Variants in ZEB1 observed in about 807,000 individuals in gnomAD.
ZEB1 encodes zinc finger E-box-binding homeobox 1.
A neutral mutation model predicts 84.9 loss-of-function variants in ZEB1; 21 were observed. That is an observed-to-expected ratio of 0.25 (90% confidence interval 0.18 to 0.36). The LOEUF is 0.36. Among genes scored for constraint, ZEB1 ranks in the 10% least tolerant of loss-of-function variants. The probability of loss-of-function intolerance (pLI) is 1.00; values close to 1 mark genes in which losing one functional copy is unlikely to be tolerated. For missense variants in ZEB1, 1,104 were observed against 1,330.2 expected (o/e 0.83, Z 2.65); for synonymous variants, 420 against 471.1 (o/e 0.89, Z 1.41).
At position 31,340,363 on chromosome 10, in the gene ZEB1, G is replaced by A. The variant is rs190937819; in HGVS notation, c.58+21071G>A. 8.7e-4 allele frequency among the ~76,000 whole-genome samples: 133 copies of A among 152,048 alleles called. 2 individuals are homozygous for A. Among genetic ancestry groups the A allele is most frequent in the Admixed American group, 8.4e-3 (128 of 15,270 alleles). Reference sequence around the variant, plus strand: ...AGGACAGACTTGAAATCATTTAGAGGGTAAACTCTAGCAATATAGAAATCT... The same window carrying A: ...AGGACAGACTTGAAATCATTTAGAGAGTAAACTCTAGCAATATAGAAATCT... On this transcript the variant is annotated intron_variant, in intron 1 of 8. Coordinates refer to ENST00000424869, the MANE Select transcript of ZEB1 (RefSeq NM_001174096.2).
chr10:31,478,690 G>A lies in ZEB1; in HGVS notation c.260-17086G>A, dbSNP rs370964166. 3.9e-5 allele frequency among the ~76,000 whole-genome samples: 6 copies of A among 151,966 alleles called. No homozygotes were observed. In the East Asian group the frequency reaches 9.7e-4, roughly 25 times the overall value. ...CAGTCATAAAAACAAATGAAATTAT[G>A]TCCTTTTTAGAAGTTTCTACATGGA... On this transcript the variant is annotated intron_variant, in intron 2 of 8. Transcript: ENST00000424869.
At chr10:31,499,741 G>A (rs986784409) in intron 3 of ZEB1, among the ~76,000 whole-genome samples, 48 of 151,716 alleles carry the variant, frequency 3.2e-4, no homozygotes, top group African/African-American at 1.1e-3. Flanking sequence ...CTCCAACCTG[G>A]GCGACAAGAG....
intron 1 of ZEB1, among the ~76,000 whole-genome samples, chr10:31,382,106 C>T (rs961036048): frequency 2.0e-5 from 3 of 150,844 alleles, no homozygotes; most frequent in Non-Finnish European, 4.4e-5. Flanking sequence ...GATCCCGTGA[C>T]TTACACAAAT....
chr10:31,323,574 G>C (rs976987118), intron 1 of ZEB1, among the ~76,000 whole-genome samples: 3 of 151,902 alleles, frequency 2.0e-5, no homozygotes, highest in Non-Finnish European at 4.4e-5. Flanking sequence ...TTTTAAATTT[G>C]TCAGTTGTAA....
chr10:31,519,510 A>G lies in ZEB1; in HGVS notation c.794-616A>G, dbSNP rs188311444. ...CACTGTCACTAAAATTGAAACTCCA[A>G]GGTGCTTTGATACCCACTACAGTGT... On this transcript the variant is annotated intron_variant, in intron 6 of 8. Transcript: ENST00000424869. Among the ~76,000 whole-genome samples the G allele has an allele frequency of 4.6e-5, 7 of 152,308 alleles. No homozygotes were observed. The East Asian group carries it at 9.6e-4, about 21-fold the overall frequency.
intron 1 of ZEB1, among the ~76,000 whole-genome samples, chr10:31,345,749 C>G (rs896016204): frequency 2.0e-5 from 3 of 152,004 alleles, no homozygotes; most frequent in African/African-American, 4.8e-5. Flanking sequence ...ATCAGCTTCC[C>G]TAGATCCCAA....
At chr10:31,434,404 GTT>G (rs2058061055) in intron 1 of ZEB1, among the ~76,000 whole-genome samples, 4 of 152,282 alleles carry the variant, frequency 2.6e-5, no homozygotes, top group Admixed American at 2.6e-4. Flanking sequence ...TTGGATTTCA[GTT>G]TTCTCAAGTA....
intron 7 of ZEB1, 107 bp downstream of exon 7, chr10:31,522,043 A>G: frequency 1.3e-6 from 2 of 1,489,976 alleles, no homozygotes; most frequent in Non-Finnish European, 9.2e-7. Flanking sequence ...CTAGATTATT[A>G]CAAACTGTCA....
At chr10:31,397,747 A>G (rs145908053) in intron 1 of ZEB1, among the ~76,000 whole-genome samples, 2 of 152,334 alleles carry the variant, frequency 1.3e-5, no homozygotes, top group African/African-American at 4.8e-5. Flanking sequence ...TTAGGATTTT[A>G]AAAAGGAGAA....
chr10:31,486,037 G>A (rs1480892825), intron 2 of ZEB1, among the ~76,000 whole-genome samples: 1 of 151,782 alleles, frequency 6.6e-6, no homozygotes, highest in Admixed American at 6.6e-5. Context: ...TCACTCAGAT[G>A]TATTCAAGTT....
intron 1 of ZEB1, among the ~76,000 whole-genome samples, chr10:31,426,329 C>G (rs529570151): frequency 6.6e-6 from 1 of 152,046 alleles, no homozygotes; most frequent in Admixed American, 6.6e-5. Flanking sequence ...ACCCCCATGA[C>G]TCAGGTTGAC....
chr10:31,398,661 G>A (rs1483882271), intron 1 of ZEB1, among the ~76,000 whole-genome samples: 1 of 152,094 alleles, frequency 6.6e-6, no homozygotes, highest in African/African-American at 2.4e-5. Context: ...CATTTCACCA[G>A]AATTGTACTT....
At chr10:31,433,830 T>A (rs1284414001) in intron 1 of ZEB1, among the ~76,000 whole-genome samples, 1 of 152,166 alleles carries the variant, frequency 6.6e-6, no homozygotes, top group Non-Finnish European at 1.5e-5. Context: ...TGCCAACAGT[T>A]TGACCTACCA....
chr10:31,470,145 A>C (rs181659432), intron 2 of ZEB1, among the ~76,000 whole-genome samples: 2,207 of 152,314 alleles, frequency 0.014, 26 homozygotes, highest in Non-Finnish European at 0.017. Context: ...AAACTCTAAA[A>C]AGCAGAGCGC....
At chr10:31,407,767 A>T (rs576071885) in intron 1 of ZEB1, among the ~76,000 whole-genome samples, 1 of 151,792 alleles carries the variant, frequency 6.6e-6, no homozygotes, top group South Asian at 2.1e-4. Flanking sequence ...GCTATCTATG[A>T]CAAACCCACA....
At chr10:31,467,862 G>A (rs982131810) in intron 2 of ZEB1, among the ~76,000 whole-genome samples, 3 of 152,096 alleles carry the variant, frequency 2.0e-5, no homozygotes, top group African/African-American at 7.2e-5. Context: ...CTGCTGCAGG[G>A]AGTCTTGCAT....
chr10:31,436,211 C>T (rs2058284958), intron 1 of ZEB1, among the ~76,000 whole-genome samples: 1 of 152,164 alleles, frequency 6.6e-6, no homozygotes, highest in East Asian at 1.9e-4. Flanking sequence ...GAGAACAAAA[C>T]AATCTCTTGA....
rs759313503 is a variant in ZEB1, at chr10:31,461,124, A to T, written c.146A>T (p.Asp49Val). ...LHIVEEESVT[D>V]AADCEGVPED... ...ATTGTGGAAGAAGAAAGTGTTACAGATGCAGCTGACTGTGAAGGTGTACCA... is the reference window on the plus strand; with the variant it reads ...ATTGTGGAAGAAGAAAGTGTTACAGTTGCAGCTGACTGTGAAGGTGTACCA... Residue 49 changes from aspartate (D) to valine (V), a missense_variant, in exon 2 of 9, where the codon GAT becomes GTT. Coordinates refer to ENST00000424869, the MANE Select transcript of ZEB1 (RefSeq NM_001174096.2). 5.6e-6 allele frequency: 9 copies of T among 1,613,522 alleles called. No individual in the cohort carries two copies. Among genetic ancestry groups the T allele is most frequent in the Non-Finnish European group, 5.9e-6 (7 of 1,179,756 alleles).
At chr10:31,377,321 A>G (rs1473070418) in intron 1 of ZEB1, among the ~76,000 whole-genome samples, 1 of 151,688 alleles carries the variant, frequency 6.6e-6, no homozygotes, top group Non-Finnish European at 1.5e-5. Flanking sequence ...CATGTAAAGA[A>G]TACTTAAAGC....
Sources: gnomAD v4.1 joint callset for allele counts (sites outside exome capture counted in the v4.1 genomes callset) on GRCh38, gnomAD v4.1.1 for gene constraint, MANE v1.5 for transcripts, NCBI Gene and HGNC (gene_info 2026-07-23, HGNC 2026-07-21) for gene names.